Variants in SEPTIN6 observed in about 807,000 individuals in gnomAD.
SEPTIN6 encodes septin-6.
Under a neutral mutation model 33.6 loss-of-function variants are expected in SEPTIN6, and 8 were observed. That is an observed-to-expected ratio of 0.24 (90% CI 0.14 to 0.43). SEPTIN6 has a LOEUF of 0.43. Ranked by LOEUF, SEPTIN6 falls within the 20% of genes least tolerant of loss-of-function variation. SEPTIN6 has a pLI of 1.00. For missense variants in SEPTIN6, 250 were observed against 340.8 expected (o/e 0.73, Z 2.10); for synonymous variants, 131 against 140.0 (o/e 0.94, Z 0.45).
chrX:119,675,139 G>A (rs1029537043), intron 2 of SEPTIN6, among the ~76,000 whole-genome samples: 1 of 111,314 alleles, frequency 9.0e-6, no homozygotes, highest in African/African-American at 3.3e-5. Context: ...ACTAAACCAA[G>A]CACAGCAAAA....
intron 2 of SEPTIN6, among the ~76,000 whole-genome samples, chrX:119,666,966 CGAG>C (rs759439382): frequency 9.0e-6 from 1 of 111,001 alleles, no homozygotes; most frequent in South Asian, 3.9e-4. Context: ...CCTCCCCTCT[CGAG>C]GGCACTGAGG....
chrX:119,668,224 A>G, intron 2 of SEPTIN6, among the ~76,000 whole-genome samples: 1 of 110,857 alleles, frequency 9.0e-6, no homozygotes, highest in Admixed American at 9.6e-5. Flanking sequence ...TGAACCCGGG[A>G]GGCGGAGGTT....
At chrX:119,684,554 G>A (rs1056830926) in intron 1 of SEPTIN6, among the ~76,000 whole-genome samples, 1 of 98,265 alleles carries the variant, frequency 1.0e-5, no homozygotes, top group Non-Finnish European at 2.0e-5. Context: ...GCGGTGGCAC[G>A]ATCTCAGCTC....
At chrX:119,690,903 CA>C (rs1159011518) in intron 1 of SEPTIN6, among the ~76,000 whole-genome samples, 58 of 109,733 alleles carry the variant, frequency 5.3e-4, no homozygotes, top group African/African-American at 1.8e-3. Context: ...ATTGCAGACA[CA>C]AAGGAGAACA....
In SEPTIN6 at chrX:119,619,377, G is replaced by T. The variant is rs916113735; in HGVS notation, c.*716C>A. The T allele has an allele frequency of 3.4e-5, 28 of 812,137 alleles. No homozygotes were observed. In the African/African-American group the frequency reaches 5.8e-4, roughly 17 times the overall value. 66.9% of individuals were successfully genotyped at this position (812,137 alleles called of 1,213,427 possible). ...TGCATCTGTGGGATACCCAGAGTTA[G>T]AGAGAGGGGAAACGTCTGCTATTTT... On this transcript the variant is annotated 3_prime_UTR_variant, in exon 11 of 11. Coordinates refer to ENST00000394610, the MANE Select transcript of SEPTIN6 (RefSeq NM_145799.4).
At chrX:119,637,798 A>G (rs909346566) in intron 6 of SEPTIN6, among the ~76,000 whole-genome samples, 2 of 112,570 alleles carry the variant, frequency 1.8e-5, no homozygotes, top group African/African-American at 3.2e-5. Context: ...TATAGTTTAG[A>G]GGAAGAATAG....
At chrX:119,666,037 G>A (rs749884056) in intron 2 of SEPTIN6, among the ~76,000 whole-genome samples, 11 of 106,264 alleles carry the variant, frequency 1.0e-4, no homozygotes, top group African/African-American at 3.1e-4. Flanking sequence ...AGCTGAGATC[G>A]CGCCACTGCA....
chrX:119,661,790 G>C (rs1421326813), intron 3 of SEPTIN6, among the ~76,000 whole-genome samples: 1 of 111,706 alleles, frequency 9.0e-6, no homozygotes, highest in Non-Finnish European at 1.9e-5. Flanking sequence ...CCAGGCTGGA[G>C]TACAGTGGCG....
chrX:119,659,955 C>T (rs963926589), intron 3 of SEPTIN6, among the ~76,000 whole-genome samples: 3 of 112,217 alleles, frequency 2.7e-5, no homozygotes, highest in Non-Finnish European at 3.8e-5. Flanking sequence ...TCACTGCAAC[C>T]GCCACCTTCC....
chrX:119,650,359 A>G (rs2054331248), intron 4 of SEPTIN6, among the ~76,000 whole-genome samples: 1 of 112,410 alleles, frequency 8.9e-6, no homozygotes, highest in Non-Finnish European at 1.9e-5. Context: ...TATTTTGCCA[A>G]TGAGAAATTA....
chrX:119,674,328 C>T (rs764846157), intron 2 of SEPTIN6, among the ~76,000 whole-genome samples: 8 of 110,270 alleles, frequency 7.3e-5, no homozygotes, highest in African/African-American at 2.0e-4. Flanking sequence ...CGCCCGCCAC[C>T]GTGCCCGGCT....
chrX:119,625,542 C>A, intron 9 of SEPTIN6, 163 bp from the exon 10 acceptor site: 3 of 398,013 alleles, frequency 7.5e-6, no homozygotes, highest in Non-Finnish European at 1.3e-5. Flanking sequence ...AACACTGATA[C>A]TCTTTTTTTT....
chrX:119,653,674 C>T (rs1347728966), intron 3 of SEPTIN6, among the ~76,000 whole-genome samples: 1 of 112,659 alleles, frequency 8.9e-6, no homozygotes, highest in Non-Finnish European at 1.9e-5. Flanking sequence ...TGAGAACATT[C>T]AGGGCTTTTG....
Position 119,619,647 on chromosome X carries a change from C to G in SEPTIN6, c.*446G>C. The stretch of plus-strand genomic sequence containing the variant: ...ACTGGGATACAGGAGACCAAGGGGA[C>G]AGCTGTGCTGATCGGTGGTTACCCA... On this transcript the variant is annotated 3_prime_UTR_variant, in exon 11 of 11. Transcript: ENST00000394610. The G allele has an allele frequency of 1.1e-6, 1 of 874,549 alleles. No homozygotes were observed. The highest frequency in any genetic ancestry group is 5.7e-5 in the East Asian group (1 of 17,489). The allele number at this position is 874,549 out of a possible 1,213,427, so 72.1% of individuals were successfully genotyped here.
chrX:119,617,355 G>T lies in SEPTIN6; in HGVS notation c.*2738C>A. On this transcript the variant is annotated 3_prime_UTR_variant, in exon 11 of 11. Transcript: ENST00000394610. The stretch of plus-strand genomic sequence containing the variant: ...ACCCAATGAAATACACATTTTAATA[G>T]GTTGATCAACTTTTTAATTTATGTT... The T allele has an allele frequency of 2.5e-6, 2 of 803,439 alleles. No individual in the cohort carries two copies. The highest frequency in any genetic ancestry group is 3.0e-6 in the Non-Finnish European group (2 of 669,487). 66.2% of individuals were successfully genotyped at this position (803,439 alleles called of 1,213,427 possible). A position where few individuals can be genotyped will look rare whatever the true frequency, so the allele number is the denominator to read the frequency against.
At position 119,622,055 on chromosome X, in the gene SEPTIN6, A is replaced by AC. The variant is rs199603393; in HGVS notation, c.*42-2005_*42-2004insG. 5.4e-3 allele frequency among the ~76,000 whole-genome samples: 597 copies of AC among 110,625 alleles called. 16 individuals carry two copies. In the East Asian group the frequency reaches 0.089, roughly 16 times the overall value. On this transcript the variant is annotated intron_variant, in intron 10 of 10. Coordinates refer to ENST00000394610, the MANE Select transcript of SEPTIN6 (RefSeq NM_145799.4). ...AAACAAAAACAAAACAACAACAACA[A>AC]AAAAAAACACTTTGGAAAGTAATAA...
chrX:119,629,434 G>T lies in SEPTIN6; in HGVS notation c.1164C>A (p.Ser388=), dbSNP rs1308050625. 2 of 1,209,599 alleles carry T rather than the reference G, an allele frequency of 1.7e-6. No individual in the cohort carries two copies. Among genetic ancestry groups the T allele is most frequent in the South Asian group, 3.5e-5 (2 of 56,857 alleles). ...TGAAAGCATTCACTTCATCATCCAG[G>T]GATTTCTTCTTATCCTCCAGTTTCT... is the stretch of plus-strand genomic sequence containing the variant. ...EKKKLEDKKK[S]LDDEVNAFKQ... The change falls in exon 9 of 11, where the codon TCC becomes TCA. Residue 388 remains serine (S), a synonymous_variant. Transcript: ENST00000394610.
chrX:119,619,743 A>G lies in SEPTIN6; in HGVS notation c.*350T>C. On this transcript the variant is annotated 3_prime_UTR_variant, in exon 11 of 11. Transcript: ENST00000394610. ...ACTGGAACAGGGGAGCTGGTGGGAA[A>G]GAGTAGCAGATGGGCCCCCTGACCA... 1.0e-6 allele frequency: 1 copy of G among 980,681 alleles called. No individual in the cohort carries two copies. Among genetic ancestry groups the G allele is most frequent in the South Asian group, 3.5e-5 (1 of 28,558 alleles). 80.8% of individuals were successfully genotyped at this position (980,681 alleles called of 1,213,427 possible).
intron 2 of SEPTIN6, among the ~76,000 whole-genome samples, chrX:119,674,424 G>A (rs766247349): frequency 1.8e-5 from 2 of 111,807 alleles, no homozygotes; most frequent in South Asian, 3.7e-4. Flanking sequence ...TGATCCACCG[G>A]CCTCGGCCTC....
Sources: gnomAD v4.1 joint callset for allele counts (sites outside exome capture counted in the v4.1 genomes callset) on GRCh38, gnomAD v4.1.1 for gene constraint, MANE v1.5 for transcripts, NCBI Gene and HGNC (gene_info 2026-07-23, HGNC 2026-07-21) for gene names.